C2orf66: variants seen among roughly 807,000 people sequenced by gnomAD.
C2orf66 encodes the protein chromosome 2 open reading frame 66.
In C2orf66, 6 loss-of-function variants were observed where a neutral mutation model predicts 7.0. The observed-to-expected ratio is 0.86, with a 90% CI of 0.47 to 1.69. The LOEUF is 1.69. C2orf66 is among the 40% of genes most tolerant of loss of function. The pLI, the probability that C2orf66 is intolerant of heterozygous loss-of-function variation, is 0.01. For missense variants in C2orf66, 107 were observed against 112.0 expected (o/e 0.96, Z 0.20); for synonymous variants, 38 against 43.8 (o/e 0.87, Z 0.52).
chr2:196,830,399 T>C, the C2orf66 span, among the ~76,000 whole-genome samples: 1 of 152,306 alleles, frequency 6.6e-6, no homozygotes, highest in Non-Finnish European at 1.5e-5. Flanking sequence ...ACCCAAAGAA[T>C]GGACTTAGAG....
chr2:196,809,385 C>T, upstream of C2orf66: 1 of 1,608,550 alleles, frequency 6.2e-7, no homozygotes, highest in South Asian at 1.1e-5. Context: ...TGTCAATGAT[C>T]ATTGAGAGAG....
At chr2:196,815,806 T>C in the C2orf66 span, among the ~76,000 whole-genome samples, 1 of 152,218 alleles carries the variant, frequency 6.6e-6, no homozygotes, top group African/African-American at 2.4e-5. Context: ...AAACCCTTCT[T>C]GTCTCTTTTA....
chr2:196,820,051 G>A, the C2orf66 span, among the ~76,000 whole-genome samples: 1 of 152,226 alleles, frequency 6.6e-6, no homozygotes, highest in Non-Finnish European at 1.5e-5. Context: ...GGGTGGGGCA[G>A]AGCTGTTTTG....
At chr2:196,829,993 A>G in the C2orf66 span, among the ~76,000 whole-genome samples, 2 of 152,224 alleles carry the variant, frequency 1.3e-5, no homozygotes, top group South Asian at 4.1e-4. Flanking sequence ...AAACGTTCAT[A>G]TATTTAGGGA....
rs761714946 is a variant in C2orf66 at position 196,807,520 on chromosome 2, G to A, written c.226C>T (p.Gln76Ter). Residue 76 changes from glutamine to a stop codon, truncating the protein, a stop_gained, in exon 2 of 3, where the codon CAG becomes TAG. Transcript: ENST00000342506. LOFTEE classifies it high-confidence loss of function. The part of the protein sequence containing the change: ...TNENPRPLSF[Q>*]SELTASASAD... Reference sequence around the variant, plus strand: ...GATGCAGAAGCAGTAAGTTCTGACTGGAAAGAGAGAGGTCTAGGATTTTCA... The same window carrying A: ...GATGCAGAAGCAGTAAGTTCTGACTAGAAAGAGAGAGGTCTAGGATTTTCA... 1.2e-6 allele frequency: 2 copies of A among 1,613,368 alleles called. No individual in the cohort carries two copies. Among genetic ancestry groups the A allele is most frequent in the East Asian group, 2.2e-5 (1 of 44,836 alleles).
At chr2:196,814,171 C>G (rs1364334183), upstream of C2orf66, among the ~76,000 whole-genome samples, 1 of 152,110 alleles carries the variant, frequency 6.6e-6, no homozygotes, top group Non-Finnish European at 1.5e-5. Flanking sequence ...TGGAACCAAC[C>G]CAAATGTCCA....
the C2orf66 span, among the ~76,000 whole-genome samples, chr2:196,824,156 T>A: frequency 1.3e-5 from 2 of 152,226 alleles, no homozygotes; most frequent in Non-Finnish European, 2.9e-5. Context: ...GAACACTATT[T>A]CTTAGACAGG....
the C2orf66 span, among the ~76,000 whole-genome samples, chr2:196,815,845 C>T: frequency 3.3e-5 from 5 of 152,240 alleles, no homozygotes; most frequent in East Asian, 7.7e-4. Flanking sequence ...TGATACAGCT[C>T]GTTAGCTGTA....
chr2:196,806,164 T>C (rs1699817522), intron 2 of C2orf66, among the ~76,000 whole-genome samples: 1 of 152,178 alleles, frequency 6.6e-6, no homozygotes. Context: ...GCTAATGGAT[T>C]GAAATCATAA....
At chr2:196,810,822 C>G (rs1699867324), upstream of C2orf66, among the ~76,000 whole-genome samples, 1 of 152,212 alleles carries the variant, frequency 6.6e-6, no homozygotes, top group Admixed American at 6.5e-5. Flanking sequence ...GGTACTGCAA[C>G]AGGATTTGAG....
the C2orf66 span, among the ~76,000 whole-genome samples, chr2:196,826,855 G>GC: frequency 2.6e-5 from 4 of 151,802 alleles, no homozygotes; most frequent in African/African-American, 9.7e-5. Flanking sequence ...ACATGGTGAA[G>GC]CCCCATCTCT....
chr2:196,825,079 C>T, the C2orf66 span, among the ~76,000 whole-genome samples: 1 of 151,838 alleles, frequency 6.6e-6, no homozygotes, highest in Non-Finnish European at 1.5e-5. Flanking sequence ...ACTAAAAATA[C>T]AAAAATTAGC....
At chr2:196,818,119 T>C in the C2orf66 span, among the ~76,000 whole-genome samples, 2 of 152,214 alleles carry the variant, frequency 1.3e-5, no homozygotes, top group East Asian at 3.8e-4. Context: ...CTAGTAAATG[T>C]CCATGAAATC....
chr2:196,813,077 C>G (rs960446417), upstream of C2orf66, among the ~76,000 whole-genome samples: 3 of 152,134 alleles, frequency 2.0e-5, no homozygotes, highest in Admixed American at 6.5e-5. Flanking sequence ...CTGGAAACAA[C>G]TACTGTAAAT....
chr2:196,808,793 A>G (rs571796547), intron 1 of C2orf66, among the ~76,000 whole-genome samples: 1 of 152,242 alleles, frequency 6.6e-6, no homozygotes, highest in African/African-American at 2.4e-5. Flanking sequence ...TCAACTTTCA[A>G]TTTTTGCAGC....
At chr2:196,813,818 A>G (rs952320983), upstream of C2orf66, among the ~76,000 whole-genome samples, 1 of 152,250 alleles carries the variant, frequency 6.6e-6, no homozygotes, top group Non-Finnish European at 1.5e-5. Context: ...CAAACACGAA[A>G]AAAAGCTCAT....
chr2:196,824,766 A>G, the C2orf66 span, among the ~76,000 whole-genome samples: 1 of 152,224 alleles, frequency 6.6e-6, no homozygotes, highest in African/African-American at 2.4e-5. Flanking sequence ...ATCACTATAC[A>G]TAGATATAAA....
chr2:196,828,626 G>A, the C2orf66 span, among the ~76,000 whole-genome samples: 11 of 152,084 alleles, frequency 7.2e-5, no homozygotes, highest in Non-Finnish European at 1.5e-5. Flanking sequence ...CAACTCAAAG[G>A]GAAATTATGT....
intron 2 of C2orf66, among the ~76,000 whole-genome samples, chr2:196,806,523 A>G (rs182404206): frequency 6.7e-6 from 1 of 150,174 alleles, no homozygotes; most frequent in Admixed American, 6.6e-5. Flanking sequence ...TTTAAATGGT[A>G]GGTGTTGGTT....
Sources: gnomAD v4.1 joint callset for allele counts (sites outside exome capture counted in the v4.1 genomes callset) on GRCh38, gnomAD v4.1.1 for gene constraint, MANE v1.5 for transcripts, NCBI Gene and HGNC (gene_info 2026-07-23, HGNC 2026-07-21) for gene names.